CELF3: variants seen among roughly 807,000 people sequenced by gnomAD.
CELF3 encodes CAG repeat domain.
Under a neutral mutation model 59.6 loss-of-function variants are expected in CELF3, and 26 were observed. The ratio of observed to expected loss-of-function variants is 0.44; its 90% CI spans 0.32 to 0.61. The LOEUF (loss-of-function observed/expected upper bound fraction) is 0.61, where lower values mean the gene tolerates loss of function less well. CELF3 is among the 20% of genes least tolerant of loss of function. The pLI, the probability that CELF3 is intolerant of heterozygous loss-of-function variation, is 0.06. For missense variants in CELF3, 387 were observed against 627.2 expected (o/e 0.62, Z 4.09); for synonymous variants, 245 against 250.7 (o/e 0.98, Z 0.22).
chr1:151,715,771 C>T, intron 1 of CELF3, 105 bp downstream of exon 1: 1 of 1,596,620 alleles, frequency 6.3e-7, no homozygotes. Flanking sequence ...AACTCTTCTC[C>T]TTCCACATCA....
chr1:151,715,565 C>T, intron 1 of CELF3: 1 of 1,338,204 alleles, frequency 7.5e-7, no homozygotes, highest in South Asian at 1.2e-5. Flanking sequence ...TCTCCCAAAC[C>T]AGCTCTCTTG....
rs983203068 is a variant in CELF3, at chr1:151,707,852, C to T, written c.570G>A (p.Gln190=). 6.2e-7 allele frequency: 1 copy of T among 1,613,964 alleles called. No homozygotes were observed. Among genetic ancestry groups the T allele is most frequent in the Non-Finnish European group, 8.5e-7 (1 of 1,179,890 alleles). The change falls in exon 6 of 13, where the codon CAG becomes CAA. Residue 190 remains glutamine, a synonymous_variant. Coordinates refer to ENST00000290583, the MANE Select transcript of CELF3 (RefSeq NM_007185.7). ...GLRRMQQVAT[Q]LGMFSPIALQ... ...GGGCGATGGGGCTGAACATGCCCAA[C>T]TGGGTGGCCACCTGCTGCATGCGGC...
At position 151,716,045 on chromosome 1, in the gene CELF3, G is replaced by A. The variant is rs1250593895; in HGVS notation, c.-25C>T. The A allele has an allele frequency of 5.0e-6, 8 of 1,596,378 alleles. No individual in the cohort carries two copies. Among genetic ancestry groups the A allele is most frequent in the East Asian group, 4.5e-5 (2 of 44,730 alleles). The stretch of plus-strand genomic sequence containing the variant: ...TTGAGGCGGCCCAGGAGGAGGGGCC[G>A]AGGGGAGCAGGGAGAGGCCCAAAGG... On this transcript the variant is annotated 5_prime_UTR_variant, in exon 1 of 13. Transcript: ENST00000290583.
intron 5 of CELF3, 89 bp downstream of exon 5, chr1:151,708,909 C>G: frequency 8.6e-7 from 1 of 1,159,160 alleles, no homozygotes; most frequent in African/African-American, 1.5e-5. Flanking sequence ...TCAAATAGCC[C>G]ATCCTGAGTG....
rs916094877 is a variant in CELF3, at chr1:151,702,847, GGGTCTCT to G, written c.*605_*611del. The G allele has an allele frequency of 1.3e-5, 3 of 228,650 alleles. No homozygotes were observed. The highest frequency in any genetic ancestry group is 6.7e-5 in the African/African-American group (3 of 44,730). 14.2% of individuals were successfully genotyped at this position (228,650 alleles called of 1,614,324 possible). On this transcript the variant is annotated 3_prime_UTR_variant, in exon 13 of 13. Coordinates refer to ENST00000290583, the MANE Select transcript of CELF3 (RefSeq NM_007185.7). ...AGGTCTTTTCCTCGTGAAAGGAGGA[GGGTCTCT>G]GTGGCTGACTGGCAGAGAGGCAGCC...
intron 2 of CELF3, among the ~76,000 whole-genome samples, chr1:151,712,979 C>T (rs1196243078): frequency 6.6e-6 from 1 of 152,250 alleles, no homozygotes; most frequent in East Asian, 1.9e-4. Context: ...GGGGAGAATG[C>T]AGGTAGCAGG....
At position 151,706,246 on chromosome 1, in the gene CELF3, TTGCTGCTGCTGCTGC is replaced by T. The variant is rs746113287; in HGVS notation, c.1089_1103del (p.Gln369_Gln373del). On this transcript the variant is annotated inframe_deletion, in exon 10 of 13. Transcript: ENST00000290583. Reference sequence around the variant, plus strand: ...CACCTTCTCTTTGCTGCTGCTGCTGTTGCTGCTGCTGCTGCTGCTGCTGCTGTTGAGGTGGTGGTG... The same window carrying T: ...CACCTTCTCTTTGCTGCTGCTGCTGTTGCTGCTGCTGTTGAGGTGGTGGTG... 13 of 1,597,542 alleles carry T rather than the reference TTGCTGCTGCTGCTGC, an allele frequency of 8.1e-6. No individual in the cohort carries two copies. The highest frequency in any genetic ancestry group is 1.1e-5 in the South Asian group (1 of 88,726).
At position 151,701,625 on chromosome 1, in the gene CELF3, C is replaced by T. The variant is rs186566607; in HGVS notation, c.*1834G>A. On this transcript the variant is annotated 3_prime_UTR_variant, in exon 13 of 13. Transcript: ENST00000290583. ...CTTTTCCCATCTATAAAATTATATCCTACCTAGGCTGGGCGTGGTGGCTCA... is the reference window on the plus strand; with the variant it reads ...CTTTTCCCATCTATAAAATTATATCTTACCTAGGCTGGGCGTGGTGGCTCA... Among the ~76,000 whole-genome samples, 116 of 152,228 alleles carry T rather than the reference C, an allele frequency of 7.6e-4. 2 individuals are homozygous for T. In the East Asian group the frequency reaches 0.015, roughly 19 times the overall value.
chr1:151,706,470 TGA>T (rs1672551981), intron 9 of CELF3, 109 bp from the exon 10 acceptor site: 2 of 1,278,374 alleles, frequency 1.6e-6, no homozygotes, highest in East Asian at 5.1e-5. Context: ...CCTGCAGGGC[TGA>T]GAGGTGGTCA....
Position 151,710,013 on chromosome 1 carries a change from C to T in CELF3, c.229-222G>A, listed in dbSNP as rs1315807750. On this transcript the variant is annotated intron_variant, in intron 2 of 12. Coordinates refer to ENST00000290583, the MANE Select transcript of CELF3 (RefSeq NM_007185.7). ...GAGGGAGAGGCTCATGGGCACAGCT[C>T]CAGGCTCAGGTTGGGCTCCTGATGA... 4 of 571,086 alleles carry T rather than the reference C, an allele frequency of 7.0e-6. No homozygotes were observed. In the Admixed American group the frequency reaches 1.2e-4, roughly 17 times the overall value. 35.4% of individuals were successfully genotyped at this position (571,086 alleles called of 1,614,324 possible). A position where few individuals can be genotyped will look rare whatever the true frequency, so the allele number is the denominator to read the frequency against.
chr1:151,705,693 G>T lies in CELF3; in HGVS notation c.1270+129C>A, dbSNP rs1672449313. 3.0e-6 allele frequency: 3 copies of T among 1,012,264 alleles called. No individual in the cohort carries two copies. The highest frequency in any genetic ancestry group is 4.9e-5 in the East Asian group (2 of 41,142). 62.7% of individuals were successfully genotyped at this position (1,012,264 alleles called of 1,614,324 possible). On this transcript the variant is annotated intron_variant, in intron 11 of 12. Coordinates refer to ENST00000290583, the MANE Select transcript of CELF3 (RefSeq NM_007185.7). This position sits in a 1 kb window ranked among gnomAD's most constrained non-coding sequence, Gnocchi z 5.1. Reference sequence around the variant, plus strand: ...GTGGCATGTTGGGTGTGTCAAAATGGCTCTTTTGTACTCTTGGATAATCAG... The same window carrying T: ...GTGGCATGTTGGGTGTGTCAAAATGTCTCTTTTGTACTCTTGGATAATCAG...
Position 151,703,330 on chromosome 1 carries a change from G to T in CELF3, c.*129C>A, listed in dbSNP as rs1172351006. On this transcript the variant is annotated 3_prime_UTR_variant, in exon 13 of 13. Transcript: ENST00000290583. The stretch of plus-strand genomic sequence containing the variant: ...GGGGCCGGTGTCTTGTGCCCCCGGG[G>T]GCCACGAAGCAGCGTTTGCCCCAGA... 1 of 452,760 alleles carries T rather than the reference G, an allele frequency of 2.2e-6. No individual in the cohort carries two copies. Among genetic ancestry groups the T allele is most frequent in the Non-Finnish European group, 4.4e-6 (1 of 224,940 alleles). The allele number at this position is 452,760 out of a possible 1,614,324, so 28.0% of individuals were successfully genotyped here. A position where few individuals can be genotyped will look rare whatever the true frequency, so the allele number is the denominator to read the frequency against.
rs1439118379 is a variant in CELF3, at chr1:151,703,324, C to G, written c.*135G>C. ...GTGGGAGGGGCCGGTGTCTTGTGCCCCCGGGGGCCACGAAGCAGCGTTTGC... is the reference window on the plus strand; with the variant it reads ...GTGGGAGGGGCCGGTGTCTTGTGCCGCCGGGGGCCACGAAGCAGCGTTTGC... On this transcript the variant is annotated 3_prime_UTR_variant, in exon 13 of 13. Transcript: ENST00000290583. 2 of 453,420 alleles carry G rather than the reference C, an allele frequency of 4.4e-6. No individual in the cohort carries two copies. The highest frequency in any genetic ancestry group is 4.7e-5 in the Admixed American group (2 of 42,418). 28.1% of individuals were successfully genotyped at this position (453,420 alleles called of 1,614,324 possible). A position where few individuals can be genotyped will look rare whatever the true frequency, so the allele number is the denominator to read the frequency against.
chr1:151,706,350 C>T lies in CELF3; in HGVS notation c.1000G>A (p.Ala334Thr). 6.5e-7 allele frequency: 1 copy of T among 1,549,080 alleles called. No individual in the cohort carries two copies. The highest frequency in any genetic ancestry group is 2.4e-5 in the East Asian group (1 of 40,914). ...GCAGGTGCAACCAGGCTGTAGGCTG[C>T]TGGGTAGGCTGCTGGGGTGGGGAGA... The part of the protein sequence containing the change: ...GMQHYTAAYP[A>T]AYSLVAPAFP... The change falls in exon 10 of 13, where the codon GCA becomes ACA. Residue 334 changes from alanine to threonine, a missense_variant. This residue lies in a region of CELF3 where 131 missense variants were observed against 153.7 expected (regional missense o/e 0.85). Coordinates refer to ENST00000290583, the MANE Select transcript of CELF3 (RefSeq NM_007185.7).
Position 151,709,673 on chromosome 1 carries a change from C to G in CELF3, c.277+70G>C, listed in dbSNP as rs941502085. 6.8e-7 allele frequency: 1 copy of G among 1,468,604 alleles called. No homozygotes were observed. The highest frequency in any genetic ancestry group is 9.5e-7 in the Non-Finnish European group (1 of 1,047,136). The allele number at this position is 1,468,604 out of a possible 1,614,324, so 91.0% of individuals were successfully genotyped here. The stretch of plus-strand genomic sequence containing the variant: ...GCTTTCTCCCTCAAGAAAGGCTACC[C>G]CTCGACAACTCCAGGCCCTGGGCCT... On this transcript the variant is annotated intron_variant, in intron 3 of 12. Transcript: ENST00000290583. This position sits in a 1 kb window ranked among gnomAD's most constrained non-coding sequence, Gnocchi z 4.9.
At position 151,709,001 on chromosome 1, in the gene CELF3, C is replaced by T. The variant is rs150572462; in HGVS notation, c.483G>A (p.Leu161=). 9 of 1,613,180 alleles carry T rather than the reference C, an allele frequency of 5.6e-6. No homozygotes were observed. In the African/African-American group the frequency reaches 8.0e-5, roughly 14 times the overall value. ...GGGGCAGGGGAGTGGGGCTCACTGG[C>T]AGGGTCCGGCTGCTGTGAAGGGTGT... ...AINTLHSSRT[L]PGASSSLVVK... The change falls in exon 5 of 13, where the codon CTG becomes CTA. Residue 161 remains leucine, a synonymous_variant. Coordinates refer to ENST00000290583, the MANE Select transcript of CELF3 (RefSeq NM_007185.7). The surrounding 1 kb of genome is among the most constrained non-coding windows in gnomAD (Gnocchi z 4.9).
In CELF3 at chr1:151,709,425, T is replaced by C; in HGVS notation, c.278-77A>G. The C allele has an allele frequency of 6.3e-7, 1 of 1,594,098 alleles. No homozygotes were observed. Among genetic ancestry groups the C allele is most frequent in the Non-Finnish European group, 8.6e-7 (1 of 1,166,416 alleles). ...TCCCAGCCCTTCTTCCGCCCTTCCC[T>C]GGAGCTCCTAACACTACTTCTGCTA... On this transcript the variant is annotated intron_variant, in intron 3 of 12. Coordinates refer to ENST00000290583, the MANE Select transcript of CELF3 (RefSeq NM_007185.7). This position sits in a 1 kb window ranked among gnomAD's most constrained non-coding sequence, Gnocchi z 4.9.
In CELF3 at chr1:151,715,984, GC is replaced by G; in HGVS notation, c.36del (p.Gln13ArgfsTer11). ...TTCTCCTCCAGATGCCTCGGGATCT[GC>G]CCCACAAACAGCTTGATGGCATCCG... ...KEPDAIKLFV[G>X]QIPRHLEEKD... is the part of the protein sequence containing the mutation. On this transcript the variant is annotated frameshift_variant, in exon 1 of 13. Transcript: ENST00000290583. LOFTEE classifies it high-confidence loss of function. 1 of 1,614,082 alleles carries G rather than the reference GC, an allele frequency of 6.2e-7. No homozygotes were observed. The highest frequency in any genetic ancestry group is 1.1e-5 in the South Asian group (1 of 91,066).
chr1:151,710,439 T>A (rs1413313308), intron 2 of CELF3: 2 of 313,966 alleles, frequency 6.4e-6, no homozygotes, highest in Non-Finnish European at 1.3e-5. Flanking sequence ...CGTCATCACT[T>A]CTGCTGCTCC....
Sources: gnomAD v4.1 joint callset for allele counts (sites outside exome capture counted in the v4.1 genomes callset) on GRCh38, gnomAD v4.1.1 for gene constraint, gnomAD v4.1.1 regional missense constraint, Gnocchi (gnomAD v3.1) non-coding constraint, MANE v1.5 for transcripts, NCBI Gene and HGNC (gene_info 2026-07-23, HGNC 2026-07-21) for gene names.